FSTL4: variants seen among roughly 807,000 people sequenced by gnomAD.
FSTL4 encodes follistatin-related protein 4.
Under a neutral mutation model 78.2 loss-of-function variants are expected in FSTL4, and 28 were observed. That is an observed-to-expected ratio of 0.36 (90% confidence interval 0.27 to 0.49). The LOEUF is 0.49. FSTL4 is among the 20% of genes least tolerant of loss of function. FSTL4 has a pLI of 0.98. For missense variants in FSTL4, 922 were observed against 1,084.9 expected (o/e 0.85, Z 2.11); for synonymous variants, 422 against 440.5 (o/e 0.96, Z 0.53).
chr5:133,279,764 C>G (rs1752970184), intron 6 of FSTL4, among the ~76,000 whole-genome samples: 1 of 152,192 alleles, frequency 6.6e-6, no homozygotes, highest in East Asian at 1.9e-4. Context: ...AAATTCATGT[C>G]TATTAGAACC....
chr5:133,567,406 G>T (rs1760049626), intron 2 of FSTL4, among the ~76,000 whole-genome samples, 187 bp from the exon 3 acceptor site: 1 of 152,182 alleles, frequency 6.6e-6, no homozygotes, highest in Non-Finnish European at 1.5e-5. Flanking sequence ...ACAACTTGTT[G>T]CTTTGAGGGC....
the FSTL4 span, among the ~76,000 whole-genome samples, chr5:133,646,735 A>T: frequency 6.6e-6 from 1 of 152,170 alleles, no homozygotes; most frequent in Admixed American, 6.5e-5. Flanking sequence ...GATGACACCA[A>T]GATTTTAGGC....
At chr5:133,690,519 C>G in the FSTL4 span, among the ~76,000 whole-genome samples, 1 of 152,020 alleles carries the variant, frequency 6.6e-6, no homozygotes, top group Admixed American at 6.6e-5. Flanking sequence ...AGCAGTTGAT[C>G]ACAGTTCTTA....
chr5:133,768,238 G>A, the FSTL4 span, among the ~76,000 whole-genome samples: 1 of 152,138 alleles, frequency 6.6e-6, no homozygotes, highest in African/African-American at 2.4e-5. Context: ...CCAACTCTCT[G>A]CCATTCAGGA....
At chr5:133,693,477 G>A in the FSTL4 span, among the ~76,000 whole-genome samples, 6 of 152,242 alleles carry the variant, frequency 3.9e-5, no homozygotes, top group South Asian at 2.1e-4. Flanking sequence ...GGGAAGGAGC[G>A]ATTCTGATTT....
At chr5:133,589,652 G>C (rs149873251) in intron 2 of FSTL4, among the ~76,000 whole-genome samples, 2,040 of 152,226 alleles carry the variant, frequency 0.013, 32 homozygotes, top group Middle Eastern at 0.024. Flanking sequence ...CCACCGCCCA[G>C]CCCCAGAAGA....
the FSTL4 span, among the ~76,000 whole-genome samples, chr5:133,800,957 G>T: frequency 5.3e-5 from 8 of 152,070 alleles, no homozygotes. Context: ...TGGGGAGGTG[G>T]GGAGCAGCCT....
chr5:133,666,042 G>C, the FSTL4 span, among the ~76,000 whole-genome samples: 1 of 151,606 alleles, frequency 6.6e-6, no homozygotes, highest in African/African-American at 2.4e-5. Context: ...CTTCAGGAAA[G>C]TCAAGAGTGG....
intron 3 of FSTL4, among the ~76,000 whole-genome samples, chr5:133,532,390 T>C (rs1004603877): frequency 1.3e-5 from 2 of 152,214 alleles, no homozygotes; most frequent in Non-Finnish European, 1.5e-5. Flanking sequence ...ATTCCTAACA[T>C]AGAGAATTAT....
intron 4 of FSTL4, among the ~76,000 whole-genome samples, chr5:133,344,118 A>G (rs1347419924): frequency 6.6e-6 from 1 of 152,308 alleles, no homozygotes; most frequent in East Asian, 1.9e-4. Context: ...TAGGCCTGAG[A>G]CAGCCTGTGA....
rs931161336 is a variant in FSTL4, at chr5:133,440,280, T to A, written c.161-39294A>T. Among the ~76,000 whole-genome samples the A allele has an allele frequency of 1.3e-5, 2 of 152,152 alleles. No individual in the cohort carries two copies. Among genetic ancestry groups the A allele is most frequent in the African/African-American group, 4.8e-5 (2 of 41,448 alleles). On this transcript the variant is annotated intron_variant, in intron 3 of 15. Transcript: ENST00000265342. The surrounding 1 kb of genome is among the most constrained non-coding windows in gnomAD (Gnocchi z 4.1). ...ACAGGAACAAGACACATCATTTGGG[T>A]GGCTGTGGGCAGCTCAGGGGTGCCC...
At chr5:133,590,500 AG>A (rs1032197708) in intron 2 of FSTL4, among the ~76,000 whole-genome samples, 1 of 152,130 alleles carries the variant, frequency 6.6e-6, no homozygotes, top group Non-Finnish European at 1.5e-5. Flanking sequence ...TGGATTTGGC[AG>A]GGTGGTGGAC....
At chr5:133,422,496 T>C (rs577578931) in intron 3 of FSTL4, among the ~76,000 whole-genome samples, 1 of 151,228 alleles carries the variant, frequency 6.6e-6, no homozygotes, top group Non-Finnish European at 1.5e-5. Context: ...AGCTGAACAA[T>C]GAGGAGGATG....
chr5:133,560,151 C>G (rs1759881164), intron 3 of FSTL4, among the ~76,000 whole-genome samples: 1 of 152,204 alleles, frequency 6.6e-6, no homozygotes, highest in African/African-American at 2.4e-5. Context: ...GCTACAGGTA[C>G]CAGGTGAGTG....
chr5:133,789,125 G>A, the FSTL4 span, among the ~76,000 whole-genome samples: 4 of 152,218 alleles, frequency 2.6e-5, no homozygotes, highest in African/African-American at 9.6e-5. Context: ...TATACAGGTA[G>A]GGCACATGCT....
intron 6 of FSTL4, among the ~76,000 whole-genome samples, chr5:133,270,612 AG>A (rs1353462999): frequency 6.6e-6 from 1 of 152,218 alleles, no homozygotes. Flanking sequence ...TTGTTGGCTC[AG>A]TCCTGTGGCT....
chr5:133,423,465 C>T (rs1756740733), intron 3 of FSTL4, among the ~76,000 whole-genome samples: 1 of 152,242 alleles, frequency 6.6e-6, no homozygotes, highest in South Asian at 2.1e-4. Flanking sequence ...AGCCTCCCTC[C>T]TGGAACCTCA....
the FSTL4 span, among the ~76,000 whole-genome samples, chr5:133,747,935 G>A: frequency 1.3e-5 from 2 of 152,262 alleles, no homozygotes; most frequent in South Asian, 2.1e-4. Flanking sequence ...AGTGGCTCAC[G>A]CCTGTAATCC....
At chr5:133,821,990 A>T in the FSTL4 span, among the ~76,000 whole-genome samples, 161 of 152,338 alleles carry the variant, frequency 1.1e-3, 1 homozygote, top group Non-Finnish European at 1.8e-3. Flanking sequence ...GGGGGGTCAC[A>T]CTCAGGCATA....
Sources: allele counts gnomAD v4.1 joint callset (sites outside exome capture counted in the v4.1 genomes callset), GRCh38; gene constraint gnomAD v4.1.1; non-coding constraint Gnocchi (gnomAD v3.1); transcripts MANE v1.5; gene names NCBI Gene and HGNC (gene_info 2026-07-23, HGNC 2026-07-21).